SEZ6L: variants seen among roughly 807,000 people sequenced by gnomAD.
The protein encoded by SEZ6L is seizure related 6 homolog like.
In SEZ6L, 37 loss-of-function variants were observed where a neutral mutation model predicts 106.2. The observed-to-expected ratio is 0.35, with a 90% confidence interval of 0.27 to 0.46. SEZ6L has a LOEUF of 0.46. Among genes scored for constraint, SEZ6L ranks in the 20% least tolerant of loss-of-function variants. SEZ6L has a pLI of 1.00. For synonymous variants in SEZ6L, 541 were observed against 570.4 expected, an observed-to-expected ratio of 0.95 and a Z score of 0.73; for missense variants, 1,172 against 1,332.8, an observed-to-expected ratio of 0.88 and a Z score of 1.88.
At chr22:26,278,981 G>GGAGGGAGGGACGAAGGGAGGGAGC (rs1220102940) in intron 1 of SEZ6L, among the ~76,000 whole-genome samples, 1 of 121,034 alleles carries the variant, frequency 8.3e-6, no homozygotes, top group Non-Finnish European at 1.8e-5. Context: ...AGGGAGGGAG[G>GGAGGGAGGGACGAAGGGAGGGAGC]GAGGGAGGAA....
At chr22:26,343,342 A>AAAAAAT (rs139296447) in intron 10 of SEZ6L, among the ~76,000 whole-genome samples, 3 of 148,458 alleles carry the variant, frequency 2.0e-5, no homozygotes, top group African/African-American at 7.5e-5. Context: ...AAAAAAAAAA[A>AAAAAAT]CTGACTGACT....
intron 5 of SEZ6L, among the ~76,000 whole-genome samples, chr22:26,305,110 T>C (rs1241745121): frequency 1.3e-5 from 2 of 152,196 alleles, no homozygotes; most frequent in Admixed American, 1.3e-4. Context: ...AAATATAATA[T>C]TAAAATCTTA....
chr22:26,169,776 A>G lies in SEZ6L; in HGVS notation c.94+13A>G, dbSNP rs1048430279. The G allele has an allele frequency of 2.4e-6, 3 of 1,230,910 alleles. No homozygotes were observed. Among genetic ancestry groups the G allele is most frequent in the Non-Finnish European group, 2.0e-6 (2 of 982,294 alleles). 76.2% of individuals were successfully genotyped at this position (1,230,910 alleles called of 1,614,324 possible). On this transcript the variant is annotated intron_variant, in intron 1 of 16. Coordinates refer to ENST00000248933, the MANE Select transcript of SEZ6L (RefSeq NM_021115.5). ...GCGCTGGAGCGAGGTAAGCGCCCCG[A>G]GGGGCGGGGCGGGCAGGGGGCAAAG... is the stretch of plus-strand genomic sequence containing the variant.
At chr22:26,360,554 T>G (rs1328409900) in intron 12 of SEZ6L, among the ~76,000 whole-genome samples, 1 of 152,192 alleles carries the variant, frequency 6.6e-6, no homozygotes, top group African/African-American at 2.4e-5. Flanking sequence ...GAAAGGTTCA[T>G]GGGGGAATTC....
At position 26,197,645 on chromosome 22, in the gene SEZ6L, G is replaced by A. The variant is rs373438747; in HGVS notation, c.94+27882G>A. On this transcript the variant is annotated intron_variant, in intron 1 of 16. Transcript: ENST00000248933. ...TAGGAAGAGTTAATAACTACTCCCA[G>A]CCCAGTCAACTGGGCTCAGTTGCTA... Among the ~76,000 whole-genome samples the A allele has an allele frequency of 3.9e-5, 6 of 152,330 alleles. No homozygotes were observed. The East Asian group carries it at 5.8e-4, about 15-fold the overall frequency.
intron 12 of SEZ6L, among the ~76,000 whole-genome samples, chr22:26,359,760 G>A (rs921434791): frequency 1.3e-5 from 2 of 152,060 alleles, no homozygotes; most frequent in Admixed American, 1.3e-4. Context: ...CTGTGTTCAC[G>A]CCACTGCACT....
chr22:26,261,382 T>C (rs1165170151), intron 1 of SEZ6L, among the ~76,000 whole-genome samples: 1 of 152,248 alleles, frequency 6.6e-6, no homozygotes, highest in Non-Finnish European at 1.5e-5. Flanking sequence ...ATTTAAGTCC[T>C]TGATCAATGT....
intron 1 of SEZ6L, among the ~76,000 whole-genome samples, chr22:26,193,264 A>C (rs769188535): frequency 7.2e-5 from 11 of 152,252 alleles, no homozygotes; most frequent in African/African-American, 1.9e-4. Flanking sequence ...TCACTGGAAA[A>C]AATTCGTGTG....
At chr22:26,336,121 C>A (rs2145978810) in intron 9 of SEZ6L, among the ~76,000 whole-genome samples, 1 of 152,298 alleles carries the variant, frequency 6.6e-6, no homozygotes, top group South Asian at 2.1e-4. Flanking sequence ...CAATACTTGC[C>A]ACCATGTGCC....
Position 26,313,870 on chromosome 22 carries a change from A to G in SEZ6L, c.1983A>G (p.Gly661=). The G allele has an allele frequency of 6.2e-7, 1 of 1,609,910 alleles. No homozygotes were observed. Residue 661 remains glycine, a synonymous_variant, in exon 9 of 17, where the codon GGA becomes GGG. Coordinates refer to ENST00000248933, the MANE Select transcript of SEZ6L (RefSeq NM_021115.5). ...ATTGTATCTGGAAGATCCACGTGGG[A>G]GAAGAGAAACGGATCTTCTTAGATA... The part of the protein sequence containing the change: ...GEDCIWKIHV[G]EEKRIFLDIQ...
intron 1 of SEZ6L, among the ~76,000 whole-genome samples, chr22:26,279,825 G>A (rs903470974): frequency 2.6e-5 from 4 of 152,188 alleles, no homozygotes; most frequent in Admixed American, 6.5e-5. Context: ...GGGACTCCCT[G>A]CAGGAGAGAA....
intron 10 of SEZ6L, among the ~76,000 whole-genome samples, chr22:26,347,335 T>C (rs749843035): frequency 6.6e-6 from 1 of 152,090 alleles, no homozygotes; most frequent in Non-Finnish European, 1.5e-5. Flanking sequence ...CAGTGACATC[T>C]GGTAAGCAGC....
rs138197864 is a variant in SEZ6L at position 26,313,382 on chromosome 22, G to A, written c.1877-382G>A. ...GCAGCAGAGGCAAGATTGGGACCCC[G>A]GGACCACCTAACTTGAGTGGGCGGT... On this transcript the variant is annotated intron_variant, in intron 8 of 16. Coordinates refer to ENST00000248933, the MANE Select transcript of SEZ6L (RefSeq NM_021115.5). 3.3e-5 allele frequency among the ~76,000 whole-genome samples: 5 copies of A among 152,184 alleles called. No individual in the cohort carries two copies. In the East Asian group the frequency reaches 5.8e-4, roughly 18 times the overall value.
chr22:26,289,799 G>T (rs760260425), intron 1 of SEZ6L, among the ~76,000 whole-genome samples: 3 of 152,192 alleles, frequency 2.0e-5, no homozygotes, highest in Admixed American at 6.5e-5. Context: ...GACAGCACTG[G>T]AGGGCCTGGA....
chr22:26,193,043 G>T (rs938079457), intron 1 of SEZ6L, among the ~76,000 whole-genome samples: 3 of 152,130 alleles, frequency 2.0e-5, no homozygotes, highest in African/African-American at 7.2e-5. Context: ...TATTTTGATT[G>T]CTTTTTGAAA....
chr22:26,224,700 A>T (rs2078585482), intron 1 of SEZ6L, among the ~76,000 whole-genome samples: 1 of 152,182 alleles, frequency 6.6e-6, no homozygotes, highest in African/African-American at 2.4e-5. Flanking sequence ...ATGTTTTAGA[A>T]GTCAAGCTGG....
intron 1 of SEZ6L, among the ~76,000 whole-genome samples, chr22:26,184,522 T>C (rs563273371): frequency 2.7e-4 from 41 of 152,336 alleles, no homozygotes; most frequent in Admixed American, 8.5e-4. Flanking sequence ...GAAGCAAATA[T>C]TTAATAAATG....
At chr22:26,304,432 A>AAAG (rs1569454541) in intron 5 of SEZ6L, among the ~76,000 whole-genome samples, 5 of 142,788 alleles carry the variant, frequency 3.5e-5, no homozygotes, top group African/African-American at 7.7e-5. Context: ...AAGAAAGAAA[A>AAAG]AGAAAGGAAA....
intron 1 of SEZ6L, among the ~76,000 whole-genome samples, chr22:26,245,592 C>T (rs1273181086): frequency 6.6e-6 from 1 of 152,180 alleles, no homozygotes; most frequent in East Asian, 1.9e-4. Context: ...AAGCTTCGTA[C>T]ACAATGCCTG....
Sources: allele counts gnomAD v4.1 joint callset (sites outside exome capture counted in the v4.1 genomes callset), GRCh38; gene constraint gnomAD v4.1.1; transcripts MANE v1.5; gene names NCBI Gene and HGNC (gene_info 2026-07-23, HGNC 2026-07-21).